The following RBM33 variants were observed in gnomAD, a reference collection of about 807,000 sequenced individuals.
RBM33 encodes the protein RNA-binding protein 33.
Under a neutral mutation model 132.6 loss-of-function variants are expected in RBM33, and 28 were observed. The ratio of observed to expected loss-of-function variants is 0.21; its 90% confidence interval spans 0.16 to 0.29. The LOEUF (loss-of-function observed/expected upper bound fraction) is 0.29. Ranked by LOEUF, RBM33 falls within the 10% of genes least tolerant of loss-of-function variation. The probability of loss-of-function intolerance (pLI) is 1.00; values close to 1 mark genes in which losing one functional copy is unlikely to be tolerated. For synonymous variants in RBM33, 634 were observed against 593.0 expected, an observed-to-expected ratio of 1.07 and a Z score of -1.01; for missense variants, 1,291 against 1,518.5, an observed-to-expected ratio of 0.85 and a Z score of 2.49.
At chr7:155,693,267 G>A (rs527573113) in intron 5 of RBM33, among the ~76,000 whole-genome samples, 8 of 151,708 alleles carry the variant, frequency 5.3e-5, no homozygotes, top group African/African-American at 9.7e-5. Flanking sequence ...GTTAAACGCC[G>A]ACCCTTGAAT....
At chr7:155,677,180 GATTATAT>G (rs1377391851) in intron 3 of RBM33, among the ~76,000 whole-genome samples, 3 of 151,522 alleles carry the variant, frequency 2.0e-5, no homozygotes, top group Non-Finnish European at 4.4e-5. Flanking sequence ...GTGGATGACA[GATTATAT>G]GGTCACCTAA....
chr7:155,702,143 T>C (rs1004659078), intron 6 of RBM33, among the ~76,000 whole-genome samples: 2 of 152,212 alleles, frequency 1.3e-5, no homozygotes, highest in Non-Finnish European at 2.9e-5. Flanking sequence ...TAGATAAGAA[T>C]CAAGACTTAC....
In RBM33 at chr7:155,684,449, C is replaced by T. The variant is rs540020676; in HGVS notation, c.567+3541C>T. ...TTAAGTTTCATACAAAACCTGGAATCTTTCTCTCATTTGAGAAGGGGGCCT... is the reference window on the plus strand; with the variant it reads ...TTAAGTTTCATACAAAACCTGGAATTTTTCTCTCATTTGAGAAGGGGGCCT... On this transcript the variant is annotated intron_variant, in intron 5 of 17. Transcript: ENST00000401878. Among the ~76,000 whole-genome samples, 32 of 152,284 alleles carry T rather than the reference C, an allele frequency of 2.1e-4. No individual in the cohort carries two copies. In the South Asian group the frequency reaches 6.6e-3, roughly 32 times the overall value.
intron 14 of RBM33, among the ~76,000 whole-genome samples, chr7:155,747,585 G>GA (rs1250071991): frequency 9.2e-5 from 14 of 152,098 alleles, no homozygotes; most frequent in South Asian, 2.1e-4. Flanking sequence ...TTCTCCAATG[G>GA]AAAAAATTTA....
intron 4 of RBM33, among the ~76,000 whole-genome samples, chr7:155,679,477 T>C (rs1057426289): frequency 7.1e-6 from 1 of 140,222 alleles, no homozygotes; most frequent in African/African-American, 2.6e-5. Context: ...TGTTGACATA[T>C]AGTAAGCTAT....
intron 14 of RBM33, among the ~76,000 whole-genome samples, chr7:155,760,927 T>C (rs911683602): frequency 1.3e-5 from 2 of 152,182 alleles, no homozygotes; most frequent in Non-Finnish European, 2.9e-5. Context: ...CATGTGGGGG[T>C]TGGGGGTAGC....
At chr7:155,658,546 G>A (rs757667768) in intron 1 of RBM33, among the ~76,000 whole-genome samples, 7 of 152,122 alleles carry the variant, frequency 4.6e-5, no homozygotes, top group South Asian at 2.1e-4. Flanking sequence ...GATAACAGGC[G>A]CTCGCCACCA....
At chr7:155,650,499 G>T (rs1306474983) in intron 1 of RBM33, among the ~76,000 whole-genome samples, 1 of 152,118 alleles carries the variant, frequency 6.6e-6, no homozygotes, top group African/African-American at 2.4e-5. Context: ...TATATTGTTG[G>T]ATTTCATTTT....
intron 3 of RBM33, among the ~76,000 whole-genome samples, chr7:155,677,821 G>A (rs73167119): frequency 6.6e-6 from 1 of 152,180 alleles, no homozygotes; most frequent in Non-Finnish European, 1.5e-5. Context: ...GAATGAATAT[G>A]TGTGAATGAC....
At position 155,739,940 on chromosome 7, in the gene RBM33, C is replaced by G. The variant is rs368744650; in HGVS notation, c.1963C>G (p.Pro655Ala). The G allele has an allele frequency of 1.9e-6, 3 of 1,554,120 alleles. No individual in the cohort carries two copies. Among genetic ancestry groups the G allele is most frequent in the Non-Finnish European group, 2.6e-6 (3 of 1,148,412 alleles). Residue 655 changes from proline (P) to alanine (A), a missense_variant, in exon 12 of 18, where the codon CCA becomes GCA. By Grantham distance (27) the Pro-to-Ala change is conservative. This residue lies in a region of RBM33 where 841 missense variants were observed against 912.0 expected (regional missense o/e 0.92). Transcript: ENST00000401878. Reference sequence around the variant, plus strand: ...CCCTCCTTTGATGCCGATGTCTCAGCCACAGTTCCGGCCTCACGTACAGAC... The same window carrying G: ...CCCTCCTTTGATGCCGATGTCTCAGGCACAGTTCCGGCCTCACGTACAGAC... ...PPPPLMPMSQ[P>A]QFRPHVQTAQ... is the part of the protein sequence containing the mutation.
At chr7:155,681,309 T>C (rs1007160005) in intron 5 of RBM33, among the ~76,000 whole-genome samples, 1 of 152,232 alleles carries the variant, frequency 6.6e-6, no homozygotes, top group Admixed American at 6.5e-5. Context: ...GGTGCTAATA[T>C]TCCAGAGTGA....
rs1260073883 is a variant in RBM33 at position 155,706,719 on chromosome 7, G to A, written c.740-141G>A. The A allele has an allele frequency of 1.7e-5, 11 of 636,094 alleles. No individual in the cohort carries two copies. In the East Asian group the frequency reaches 1.9e-4, roughly 11 times the overall value. The allele number at this position is 636,094 out of a possible 1,614,324, so 39.4% of individuals were successfully genotyped here. On this transcript the variant is annotated intron_variant, in intron 6 of 17. Coordinates refer to ENST00000401878, the MANE Select transcript of RBM33 (RefSeq NM_053043.3). ...TGTTGCTGGTTGTATCGTACTTGCC[G>A]CTGCTAGTTGGGTGTTTCCTGCGGG...
In RBM33 at chr7:155,661,415, CT is replaced by C. The variant is rs1017222305; in HGVS notation, c.44-3752del. Among the ~76,000 whole-genome samples the C allele has an allele frequency of 3.2e-3, 411 of 128,020 alleles. 1 individual carries two copies. The highest frequency in any genetic ancestry group is 5.1e-3 in the Non-Finnish European group (305 of 59,814). 84.0% of individuals were successfully genotyped at this position (128,020 alleles called of 152,430 possible). A position where few individuals can be genotyped will look rare whatever the true frequency, so the allele number is the denominator to read the frequency against. On this transcript the variant is annotated intron_variant, in intron 1 of 17. Coordinates refer to ENST00000401878, the MANE Select transcript of RBM33 (RefSeq NM_053043.3). The stretch of plus-strand genomic sequence containing the variant: ...TTTTTTTTTTTCTTTCTTTTTTTTT[CT>C]TTTTTTTCCCAGACAGAGTCTTGCT...
At position 155,678,698 on chromosome 7, in the gene RBM33, C is replaced by G; in HGVS notation, c.248+14C>G. On this transcript the variant is annotated intron_variant, in intron 4 of 17. Coordinates refer to ENST00000401878, the MANE Select transcript of RBM33 (RefSeq NM_053043.3). ...AGAAAATTTCAGGTACTCAATATTA[C>G]CTCATTATAAATGTTCTTTATTTAA... 1 of 1,321,186 alleles carries G rather than the reference C, an allele frequency of 7.6e-7. No homozygotes were observed. The highest frequency in any genetic ancestry group is 1.1e-6 in the Non-Finnish European group (1 of 937,542). The allele number at this position is 1,321,186 out of a possible 1,614,324, so 81.8% of individuals were successfully genotyped here. A position where few individuals can be genotyped will look rare whatever the true frequency, so the allele number is the denominator to read the frequency against.
At chr7:155,690,246 A>G (rs1799597106) in intron 5 of RBM33, among the ~76,000 whole-genome samples, 1 of 151,806 alleles carries the variant, frequency 6.6e-6, no homozygotes, top group South Asian at 2.1e-4. Flanking sequence ...GTCTCTTTTG[A>G]TCTTTTTTGG....
chr7:155,711,030 T>A, intron 7 of RBM33, 173 bp from the exon 8 acceptor site: 2 of 892,912 alleles, frequency 2.2e-6, no homozygotes, highest in South Asian at 5.4e-5. Flanking sequence ...AGCTTCTTTA[T>A]CCTGCTGTTT....
At chr7:155,753,683 A>AG (rs1408093617) in intron 14 of RBM33, among the ~76,000 whole-genome samples, 1 of 152,210 alleles carries the variant, frequency 6.6e-6, no homozygotes, top group African/African-American at 2.4e-5. Flanking sequence ...CTAGGCAGGA[A>AG]GGGAGACTGA....
In RBM33 at chr7:155,745,221, C is replaced by G. The variant is rs1412611886; in HGVS notation, c.2598C>G (p.Val866=). ...TGTTGCCCTTTCCAGGTGCACAGGT[C>G]AGACAAAATGTGAAGAACAGACTTC... ...NPLLPFPGAQ[V]RQNVKNRLLV... The change falls in exon 14 of 18, where the codon GTC becomes GTG. Residue 866 remains valine, a synonymous_variant. Transcript: ENST00000401878. The surrounding 1 kb of genome is among the most constrained non-coding windows in gnomAD (Gnocchi z 4.1). 5 of 1,612,514 alleles carry G rather than the reference C, an allele frequency of 3.1e-6. No homozygotes were observed. In the South Asian group the frequency reaches 5.5e-5, roughly 18 times the overall value.
chr7:155,690,304 T>G (rs1211644155), intron 5 of RBM33, among the ~76,000 whole-genome samples: 2 of 152,212 alleles, frequency 1.3e-5, no homozygotes, highest in Non-Finnish European at 2.9e-5. Context: ...CCTGCCTTTT[T>G]TGTTTTGCAT....
Sources: allele counts gnomAD v4.1 joint callset (sites outside exome capture counted in the v4.1 genomes callset), GRCh38; gene constraint gnomAD v4.1.1; regional missense constraint gnomAD v4.1.1; non-coding constraint Gnocchi (gnomAD v3.1); transcripts MANE v1.5; gene names NCBI Gene and HGNC (gene_info 2026-07-23, HGNC 2026-07-21).